Variants in MAPK6 observed in about 807,000 individuals in gnomAD.
MAPK6 encodes the protein mitogen-activated protein kinase 6.
A neutral mutation model predicts 59.3 loss-of-function variants in MAPK6; 19 were observed. The ratio of observed to expected loss-of-function variants is 0.32; its 90% CI spans 0.22 to 0.47. MAPK6 has a LOEUF of 0.47. Among genes scored for constraint, MAPK6 ranks in the 20% least tolerant of loss-of-function variants. MAPK6 has a pLI of 1.00. For synonymous variants in MAPK6, 316 were observed against 290.3 expected, an observed-to-expected ratio of 1.09 and a Z score of -0.90; for missense variants, 724 against 847.9, an observed-to-expected ratio of 0.85 and a Z score of 1.81.
chr15:52,016,064 G>GCACACACACACA (rs1219275611), upstream of MAPK6, among the ~76,000 whole-genome samples: 5 of 54,954 alleles, frequency 9.1e-5, no homozygotes, highest in African/African-American at 2.0e-4. Context: ...GCGCGCGCGC[G>GCACACACACACA]CGCGCGCACA....
At chr15:51,973,017 A>C (rs2057141906) in intron 1 of MAPK6, among the ~76,000 whole-genome samples, 2 of 151,692 alleles carry the variant, frequency 1.3e-5, no homozygotes. Flanking sequence ...TCTTAGAAGA[A>C]AAAGTGAGAA....
chr15:52,061,883 T>C lies in MAPK6; in HGVS notation c.1067+383T>C, dbSNP rs191280602. Among the ~76,000 whole-genome samples, 3 of 152,268 alleles carry C rather than the reference T, an allele frequency of 2.0e-5. No homozygotes were observed. In the East Asian group the frequency reaches 5.8e-4, roughly 29 times the overall value. On this transcript the variant is annotated intron_variant, in intron 5 of 5. Transcript: ENST00000261845. ...ATGATATATGGGAAAAGTTAAATGCTACTTTGAAACATTTTCAAAGTCATT... is the reference window on the plus strand; with the variant it reads ...ATGATATATGGGAAAAGTTAAATGCCACTTTGAAACATTTTCAAAGTCATT...
chr15:51,975,270 C>T (rs2057154090), intron 1 of MAPK6, among the ~76,000 whole-genome samples: 1 of 151,694 alleles, frequency 6.6e-6, no homozygotes, highest in Non-Finnish European at 1.5e-5. Flanking sequence ...AGGCCGGGCG[C>T]GGTGGCTCAC....
At chr15:52,016,377 A>C (rs990023374), upstream of MAPK6, among the ~76,000 whole-genome samples, 3 of 151,904 alleles carry the variant, frequency 2.0e-5, no homozygotes, top group Non-Finnish European at 2.9e-5. Context: ...TGACAAGAGC[A>C]AAACTCCATC....
intron 4 of MAPK6, among the ~76,000 whole-genome samples, chr15:52,061,071 CA>C (rs1422042186): frequency 1.3e-5 from 2 of 152,142 alleles, no homozygotes; most frequent in Non-Finnish European, 2.9e-5. Context: ...AGTTGTAAAT[CA>C]GGTAAGTTTT....
At chr15:51,977,403 C>A (rs549648070) in intron 1 of MAPK6, among the ~76,000 whole-genome samples, 1 of 151,878 alleles carries the variant, frequency 6.6e-6, no homozygotes, top group South Asian at 2.1e-4. Flanking sequence ...GTGCAACTAC[C>A]CTGAGGCTCC....
intron 3 of MAPK6, among the ~76,000 whole-genome samples, chr15:52,012,545 T>C (rs996805304): frequency 1.3e-5 from 2 of 152,186 alleles, no homozygotes; most frequent in East Asian, 1.9e-4. Context: ...AACAAAGATA[T>C]TGTACTTTAT....
intron 3 of MAPK6, among the ~76,000 whole-genome samples, chr15:52,050,583 AAGATG>A (rs1182655814): frequency 6.6e-6 from 1 of 152,232 alleles, no homozygotes; most frequent in Non-Finnish European, 1.5e-5. Flanking sequence ...GGACTTTGTC[AAGATG>A]AGATGAGTAA....
intron 2 of MAPK6, among the ~76,000 whole-genome samples, chr15:51,996,953 G>C (rs2057226179): frequency 1.3e-5 from 2 of 151,642 alleles, no homozygotes; most frequent in African/African-American, 4.8e-5. Flanking sequence ...AGAGTGCTGG[G>C]ATTACAGGTG....
chr15:51,973,403 G>C (rs3110553), intron 1 of MAPK6, among the ~76,000 whole-genome samples: 64,955 of 151,480 alleles, frequency 0.43, 14,586 homozygotes, highest in Admixed American at 0.52. Flanking sequence ...GCGCAGTGGC[G>C]CCATCATAGC....
chr15:51,984,793 G>C (rs975383470), intron 2 of MAPK6, among the ~76,000 whole-genome samples: 2 of 94,432 alleles, frequency 2.1e-5, no homozygotes, highest in South Asian at 3.1e-4. Flanking sequence ...GTACACACTT[G>C]GGAAGAGATC....
rs1338544237 is a variant in MAPK6 at position 52,046,824 on chromosome 15, G to A, written c.364G>A (p.Gly122Ser). 1 of 1,613,824 alleles carries A rather than the reference G, an allele frequency of 6.2e-7. No homozygotes were observed. Among genetic ancestry groups the A allele is most frequent in the Admixed American group, 1.7e-5 (1 of 59,972 alleles). Reference protein sequence around the residue: ...ETDLANVLEQGPLLEEHARLF... With the variant: ...ETDLANVLEQSPLLEEHARLF... ...AGACTTGGCTAATGTGCTGGAGCAG[G>A]GCCCTTTACTGGAAGAGCATGCCAG... Residue 122 changes from glycine to serine, a missense_variant, in exon 2 of 6, where the codon GGC (glycine) becomes AGC (serine). Transcript: ENST00000261845.
At chr15:52,059,545 C>G (rs568796005) in intron 4 of MAPK6, among the ~76,000 whole-genome samples, 8 of 152,336 alleles carry the variant, frequency 5.3e-5, no homozygotes, top group African/African-American at 1.4e-4. Flanking sequence ...GGTGAAGACA[C>G]TGTGTGCAGT....
chr15:52,056,315 T>C (rs963333380), intron 3 of MAPK6, among the ~76,000 whole-genome samples: 2 of 152,234 alleles, frequency 1.3e-5, no homozygotes, highest in Admixed American at 6.5e-5. Context: ...AGATCACTTT[T>C]ATCAGTATTC....
At chr15:51,994,144 G>A (rs1012887053) in intron 2 of MAPK6, among the ~76,000 whole-genome samples, 2 of 152,062 alleles carry the variant, frequency 1.3e-5, no homozygotes, top group Non-Finnish European at 2.9e-5. Flanking sequence ...ATTTTTAGTA[G>A]AGACGGGGTT....
chr15:52,042,969 C>A (rs8024265), intron 1 of MAPK6: 50,109 of 151,898 alleles, frequency 0.33, 8,918 homozygotes, highest in Non-Finnish European at 0.38. Flanking sequence ...TCAAAAAATA[C>A]AAAAATTAGC....
intron 1 of MAPK6, among the ~76,000 whole-genome samples, chr15:52,037,066 G>A (rs1389923199): frequency 6.6e-6 from 1 of 152,160 alleles, no homozygotes; most frequent in East Asian, 1.9e-4. Flanking sequence ...GAAGACTTAG[G>A]TGGGAGGATC....
At position 52,024,389 on chromosome 15, in the gene MAPK6, ACTTTTT is replaced by A. The variant is rs1182663308; in HGVS notation, c.-632+5026_-632+5031del. Among the ~76,000 whole-genome samples, 8 of 150,248 alleles carry A rather than the reference ACTTTTT, an allele frequency of 5.3e-5. No individual in the cohort carries two copies. The East Asian group carries it at 1.6e-3, about 29-fold the overall frequency. On this transcript the variant is annotated intron_variant, in intron 1 of 5. Transcript: ENST00000261845. ...CTACTGAATTAGAATCTTAGAATCT[ACTTTTT>A]CTTTTTCTTTTTTTTTTTTTTTGGA... is the stretch of plus-strand genomic sequence containing the variant.
At chr15:52,004,000 C>T (rs981613623) in intron 2 of MAPK6, among the ~76,000 whole-genome samples, 39 of 152,222 alleles carry the variant, frequency 2.6e-4, no homozygotes, top group Middle Eastern at 3.2e-3. Flanking sequence ...GGTGAAGTCT[C>T]TTCTAGACTA....
Sources: gnomAD v4.1 joint callset for allele counts (sites outside exome capture counted in the v4.1 genomes callset) on GRCh38, gnomAD v4.1.1 for gene constraint, MANE v1.5 for transcripts, NCBI Gene and HGNC (gene_info 2026-07-23, HGNC 2026-07-21) for gene names.